Variants in TM9SF3 observed in about 807,000 individuals in gnomAD.
TM9SF3 encodes the protein SM-11044-binding protein.
A neutral mutation model predicts 78.6 loss-of-function variants in TM9SF3; 14 were observed. That is an observed-to-expected ratio of 0.18 (90% CI 0.12 to 0.28). The LOEUF (loss-of-function observed/expected upper bound fraction) is 0.28, where lower values mean the gene tolerates loss of function less well. Ranked by LOEUF, TM9SF3 falls within the 10% of genes least tolerant of loss-of-function variation. The pLI is 1.00. For missense variants in TM9SF3, 496 were observed against 721.9 expected, an observed-to-expected ratio of 0.69 and a Z score of 3.59; for synonymous variants, 231 against 241.7, an observed-to-expected ratio of 0.96 and a Z score of 0.41.
chr10:96,559,679 G>C lies in TM9SF3; in HGVS notation c.640C>G (p.Pro214Ala), dbSNP rs1332030582. The change falls in exon 5 of 15, where the codon CCG becomes GCG. Residue 214 changes from proline to alanine, a missense_variant. By Grantham distance (27) the Pro-to-Ala change is conservative. This residue lies in a region of TM9SF3 where 155 missense variants were observed against 241.6 expected (regional missense o/e 0.64). Transcript: ENST00000371142. Reference sequence around the variant, plus strand: ...CCTACCCGATGTTGAAAAAAGGACGGATCAAGATATTTGTCAAATCGATCT... The same window carrying C: ...CCTACCCGATGTTGAAAAAAGGACGCATCAAGATATTTGTCAAATCGATCT... ...FEDRFDKYLD[P>A]SFFQHRIHWF... is the part of the protein sequence containing the mutation. 2 of 1,594,154 alleles carry C rather than the reference G, an allele frequency of 1.3e-6. No individual in the cohort carries two copies. The highest frequency in any genetic ancestry group is 2.3e-5 in the East Asian group (1 of 44,442).
At chr10:96,536,129 C>T (rs1239745270) in intron 9 of TM9SF3, among the ~76,000 whole-genome samples, 1 of 151,824 alleles carries the variant, frequency 6.6e-6, no homozygotes, top group Non-Finnish European at 1.5e-5. Context: ...AGAAAAAAAA[C>T]TTGCAGCGAA....
intron 1 of TM9SF3, among the ~76,000 whole-genome samples, chr10:96,586,020 T>G (rs1848624275): frequency 6.6e-6 from 1 of 152,116 alleles, no homozygotes; most frequent in African/African-American, 2.4e-5. Flanking sequence ...CTGGGAAACG[T>G]CAAGACCCTT....
At chr10:96,562,688 G>C (rs1199270777) in intron 3 of TM9SF3, among the ~76,000 whole-genome samples, 1 of 152,062 alleles carries the variant, frequency 6.6e-6, no homozygotes, top group Non-Finnish European at 1.5e-5. Flanking sequence ...TGGGAAATCA[G>C]CAAAATAAAA....
chr10:96,540,939 G>A (rs780972304), intron 9 of TM9SF3, among the ~76,000 whole-genome samples: 10 of 151,344 alleles, frequency 6.6e-5, no homozygotes, highest in Non-Finnish European at 1.5e-4. Flanking sequence ...CACCACACCT[G>A]GCTAATTTTT....
intron 2 of TM9SF3, among the ~76,000 whole-genome samples, chr10:96,572,690 C>T (rs180793754): frequency 2.0e-5 from 3 of 151,950 alleles, no homozygotes; most frequent in Non-Finnish European, 2.9e-5. Flanking sequence ...CCGTGCCCGG[C>T]GAATTTTTTT....
intron 8 of TM9SF3, among the ~76,000 whole-genome samples, chr10:96,545,501 GATTA>G (rs1245768152): frequency 3.9e-5 from 6 of 152,188 alleles, no homozygotes; most frequent in Non-Finnish European, 8.8e-5. Flanking sequence ...AAAAGGTGGT[GATTA>G]ATTAAAGTAT....
intron 3 of TM9SF3, 64 bp from the exon 4 acceptor site, chr10:96,562,202 T>A: frequency 2.3e-4 from 235 of 1,041,618 alleles, no homozygotes; most frequent in Non-Finnish European, 3.0e-4. Context: ...TCCTACAAGC[T>A]AAATGCTCAT....
intron 7 of TM9SF3, among the ~76,000 whole-genome samples, chr10:96,550,715 T>C (rs1395752013): frequency 1.3e-5 from 2 of 152,222 alleles, no homozygotes; most frequent in African/African-American, 2.4e-5. Context: ...ACAAAACTTG[T>C]GTCAAGATAG....
intron 9 of TM9SF3, among the ~76,000 whole-genome samples, chr10:96,536,102 A>C (rs1847955312): frequency 6.6e-6 from 1 of 152,104 alleles, no homozygotes; most frequent in Non-Finnish European, 1.5e-5. Flanking sequence ...AAGATCGAAC[A>C]CCCATTCAAA....
Position 96,559,726 on chromosome 10 carries a change from T to C in TM9SF3, c.593A>G (p.Lys198Arg). The C allele has an allele frequency of 2.5e-6, 4 of 1,574,148 alleles. No individual in the cohort carries two copies. Among genetic ancestry groups the C allele is most frequent in the Non-Finnish European group, 3.5e-6 (4 of 1,157,218 alleles). Reference protein sequence around the residue: ...KIQMSYSVKWKKSDVKFEDRF... With the variant: ...KIQMSYSVKWRKSDVKFEDRF... ...ATCTTCAAATTTCACATCTGACTTT[T>C]TCCATTTTACCTAAAAAAAATTTTT... Residue 198 changes from lysine (K) to arginine (R), a missense_variant, in exon 5 of 15, where the codon AAA (lysine) becomes AGA (arginine). Lys to Arg is a conservative substitution (Grantham distance 26, BLOSUM62 2). Around this residue, in one of 4 missense-constraint regions of TM9SF3, gnomAD observed 155 missense variants for 241.6 expected, o/e 0.64. Coordinates refer to ENST00000371142, the MANE Select transcript of TM9SF3 (RefSeq NM_020123.4).
chr10:96,528,121 A>G lies in TM9SF3; in HGVS notation c.1451T>C (p.Met484Thr), dbSNP rs1362103992. 2 of 1,612,986 alleles carry G rather than the reference A, an allele frequency of 1.2e-6. No homozygotes were observed. The highest frequency in any genetic ancestry group is 1.7e-6 in the Non-Finnish European group (2 of 1,179,128). The change falls in exon 12 of 15, where the codon ATG becomes ACG. Residue 484 changes from methionine (M) to threonine (T), a missense_variant. By Grantham distance (81) the Met-to-Thr change is moderately conservative. Around this residue, in one of 4 missense-constraint regions of TM9SF3, gnomAD observed 280 missense variants for 422.6 expected, o/e 0.66. Coordinates refer to ENST00000371142, the MANE Select transcript of TM9SF3 (RefSeq NM_020123.4). Reference sequence around the variant, plus strand: ...GCACAGGATAACCAGCACCAGCATCATGAAGCCATAGACATAATAGATCTT... The same window carrying G: ...GCACAGGATAACCAGCACCAGCATCGTGAAGCCATAGACATAATAGATCTT... ...AYKIYYVYGF[M>T]MLVLVILCIV... is the part of the protein sequence containing the mutation.
At chr10:96,551,971 G>A (rs1355838534) in intron 6 of TM9SF3, among the ~76,000 whole-genome samples, 2 of 152,096 alleles carry the variant, frequency 1.3e-5, no homozygotes, top group African/African-American at 4.8e-5. Flanking sequence ...TAGTAAGCAA[G>A]TGCTCCTTAA....
At chr10:96,564,042 G>GT (rs1030505412) in intron 3 of TM9SF3, among the ~76,000 whole-genome samples, 2 of 152,052 alleles carry the variant, frequency 1.3e-5, no homozygotes, top group African/African-American at 4.8e-5. Flanking sequence ...CCAGAAATTT[G>GT]GGAGGCTGAG....
chr10:96,571,575 C>T (rs1055418911), intron 2 of TM9SF3, among the ~76,000 whole-genome samples: 1 of 152,120 alleles, frequency 6.6e-6, no homozygotes, highest in Admixed American at 6.5e-5. Flanking sequence ...AGGGAAATAC[C>T]GCATGGTGAA....
intron 9 of TM9SF3, among the ~76,000 whole-genome samples, chr10:96,539,013 T>C (rs778843916): frequency 5.9e-5 from 9 of 152,194 alleles, no homozygotes; most frequent in Admixed American, 2.0e-4. Context: ...TAGTTATTTA[T>C]CCAAGAGAAA....
intron 7 of TM9SF3, among the ~76,000 whole-genome samples, chr10:96,550,489 T>C (rs570249538): frequency 9.1e-4 from 138 of 152,314 alleles, no homozygotes; most frequent in Non-Finnish European, 1.5e-3. Flanking sequence ...AAAAGTGTCA[T>C]TCTGAAGGAG....
intron 9 of TM9SF3, 40 bp downstream of exon 9, chr10:96,544,036 T>C (rs773619566): frequency 1.3e-6 from 2 of 1,585,670 alleles, no homozygotes; most frequent in African/African-American, 1.4e-5. Flanking sequence ...TTAGAATGTG[T>C]ATACTTTTTC....
At chr10:96,527,777 G>C (rs1010705168) in intron 12 of TM9SF3, among the ~76,000 whole-genome samples, 2 of 151,980 alleles carry the variant, frequency 1.3e-5, no homozygotes, top group African/African-American at 4.8e-5. Flanking sequence ...ATGGAGCAAT[G>C]CTTCTCATAA....
chr10:96,567,583 A>G (rs117704007), intron 2 of TM9SF3, among the ~76,000 whole-genome samples: 375 of 152,166 alleles, frequency 2.5e-3, no homozygotes, highest in Non-Finnish European at 3.4e-3. Context: ...ACCATCCCCC[A>G]GCCCTTTCCT....
Sources: allele counts gnomAD v4.1 joint callset (sites outside exome capture counted in the v4.1 genomes callset), GRCh38; gene constraint gnomAD v4.1.1; regional missense constraint gnomAD v4.1.1; transcripts MANE v1.5; gene names NCBI Gene and HGNC (gene_info 2026-07-23, HGNC 2026-07-21).